The following MPRIP variants were observed in gnomAD, a reference collection of about 807,000 sequenced individuals.
MPRIP encodes myosin phosphatase Rho-interacting protein.
Under a neutral mutation model 234.9 loss-of-function variants are expected in MPRIP, and 59 were observed. The ratio of observed to expected loss-of-function variants is 0.25; its 90% CI spans 0.20 to 0.31. The LOEUF (loss-of-function observed/expected upper bound fraction) is 0.31. Ranked by LOEUF, MPRIP falls within the 10% of genes least tolerant of loss-of-function variation. The pLI, the probability that MPRIP is intolerant of heterozygous loss-of-function variation, is 1.00. For missense variants in MPRIP, 2,436 were observed against 3,071.0 expected (o/e 0.79, Z 4.89); for synonymous variants, 1,144 against 1,263.9 (o/e 0.91, Z 2.01).
chr17:17,159,135 C>G (rs1597480718), intron 14 of MPRIP, 133 bp downstream of exon 14: 1 of 897,578 alleles, frequency 1.1e-6, no homozygotes, highest in East Asian at 2.7e-5. Context: ...CTAGGGGAGA[C>G]AGACGCATAG....
Position 17,078,203 on chromosome 17 carries a change from G to A in MPRIP, c.267+127G>A. The A allele has an allele frequency of 2.0e-6, 2 of 1,008,536 alleles. No homozygotes were observed. Among genetic ancestry groups the A allele is most frequent in the Non-Finnish European group, 3.0e-6 (2 of 666,958 alleles). 62.5% of individuals were successfully genotyped at this position (1,008,536 alleles called of 1,614,324 possible). A position where few individuals can be genotyped will look rare whatever the true frequency, so the allele number is the denominator to read the frequency against. On this transcript the variant is annotated intron_variant, in intron 3 of 23. Transcript: ENST00000651222. This position sits in a 1 kb window ranked among gnomAD's most constrained non-coding sequence, Gnocchi z 4.3. ...CTGCTTGTGTCTGTTTGGGAGTGTG[G>A]AATGTTTTGAAGAACTTGTGGCACC... is the stretch of plus-strand genomic sequence containing the variant.
rs772633112 is a variant in MPRIP at position 17,184,843 on chromosome 17, G to A, written c.7227G>A (p.Thr2409=). 1.4e-5 allele frequency: 22 copies of A among 1,612,822 alleles called. No homozygotes were observed. The highest frequency in any genetic ancestry group is 3.3e-5 in the Admixed American group (2 of 59,960). ...CCCAGAGTCTGAAGGAAGGCCTGAC[G>A]GTGCAAGAACGGTTGAAGCTCTTTG... ...IRSKSLKEGL[T]VQERLKLFES... The change falls in exon 24 of 24, where the codon ACG becomes ACA. Residue 2409 remains threonine, a synonymous_variant. Coordinates refer to ENST00000651222, the MANE Select transcript of MPRIP (RefSeq NM_001364716.4).
rs751281988 is a variant in MPRIP, at chr17:17,164,456, C to T, written c.2865C>T (p.Ser955=). The part of the protein sequence containing the change: ...EAALSSQLRA[S]EQKLKSAEAL... ...CGCTGAGCAGCCAGCTGAGGGCTAG[C>T]GAGCAGAAGCTCAAGAGTGCTGAGG... Residue 955 remains serine, a synonymous_variant, in exon 16 of 24, where the codon AGC becomes AGT. Coordinates refer to ENST00000651222, the MANE Select transcript of MPRIP (RefSeq NM_001364716.4). 54 of 1,240,386 alleles carry T rather than the reference C, an allele frequency of 4.4e-5. No homozygotes were observed. The highest frequency in any genetic ancestry group is 5.5e-5 in the Non-Finnish European group (53 of 963,694). 76.8% of individuals were successfully genotyped at this position (1,240,386 alleles called of 1,614,324 possible). A position where few individuals can be genotyped will look rare whatever the true frequency, so the allele number is the denominator to read the frequency against.
At chr17:17,074,014 C>T (rs939264273) in intron 1 of MPRIP, among the ~76,000 whole-genome samples, 52 of 152,320 alleles carry the variant, frequency 3.4e-4, no homozygotes, top group African/African-American at 1.2e-3. Flanking sequence ...ACCCTGCAGG[C>T]GGAAGCCAAG....
chr17:17,116,319 C>T (rs768202223), intron 3 of MPRIP, among the ~76,000 whole-genome samples: 2 of 152,206 alleles, frequency 1.3e-5, no homozygotes, highest in Non-Finnish European at 2.9e-5. Flanking sequence ...AGGCAGGCCT[C>T]TCCGGCAGGA....
At position 17,165,122 on chromosome 17, in the gene MPRIP, T is replaced by C; in HGVS notation, c.3531T>C (p.His1177=). 7.7e-7 allele frequency: 1 copy of C among 1,304,124 alleles called. No individual in the cohort carries two copies. Among genetic ancestry groups the C allele is most frequent in the Non-Finnish European group, 1.0e-6 (1 of 988,948 alleles). The allele number at this position is 1,304,124 out of a possible 1,614,324, so 80.8% of individuals were successfully genotyped here. Residue 1177 remains histidine (H), a synonymous_variant, in exon 16 of 24, where the codon CAT becomes CAC. Coordinates refer to ENST00000651222, the MANE Select transcript of MPRIP (RefSeq NM_001364716.4). The part of the protein sequence containing the change: ...EEELERIKEA[H]EKVLEKKEQD... ...AGCTGGAGCGCATTAAGGAAGCACA[T>C]GAGAAGGTTCTGGAGAAGAAGGAGC...
intron 1 of MPRIP, among the ~76,000 whole-genome samples, chr17:17,056,308 G>T (rs1337454860): frequency 6.6e-6 from 1 of 152,194 alleles, no homozygotes. Context: ...TTGTCCCCAC[G>T]CATTCTCCAG....
chr17:17,139,526 C>T (rs2090770335), intron 7 of MPRIP, among the ~76,000 whole-genome samples: 1 of 152,204 alleles, frequency 6.6e-6, no homozygotes. Context: ...CTCAGAGTGT[C>T]CTCCCTTCCC....
In MPRIP at chr17:17,164,735, C is replaced by T. The variant is rs1301190843; in HGVS notation, c.3144C>T (p.Ser1048=). ...TAAAGGAAGTGGAAGACAAGGCCAG[C>T]GCCTATGAGGACCAGCTGCAGGGTC... The part of the protein sequence containing the change: ...QNLKEVEDKA[S]AYEDQLQGQA... The change falls in exon 16 of 24, where the codon AGC becomes AGT. Residue 1048 remains serine, a synonymous_variant. Transcript: ENST00000651222. The T allele has an allele frequency of 9.2e-6, 12 of 1,301,072 alleles. No homozygotes were observed. In the Admixed American group the frequency reaches 1.2e-4, roughly 13 times the overall value. 80.6% of individuals were successfully genotyped at this position (1,301,072 alleles called of 1,614,324 possible).
At chr17:17,076,141 A>C in intron 2 of MPRIP, 3 of 189,476 alleles carry the variant, frequency 1.6e-5, no homozygotes, top group South Asian at 1.2e-4. Flanking sequence ...CCCCTGTAGC[A>C]CCTCCCTTCT....
chr17:17,166,272 C>G lies in MPRIP; in HGVS notation c.4681C>G (p.Gln1561Glu), dbSNP rs1248775537. 7.7e-7 allele frequency: 1 copy of G among 1,304,146 alleles called. No individual in the cohort carries two copies. Among genetic ancestry groups the G allele is most frequent in the African/African-American group, 1.5e-5 (1 of 65,880 alleles). The allele number at this position is 1,304,146 out of a possible 1,614,324, so 80.8% of individuals were successfully genotyped here. A position where few individuals can be genotyped will look rare whatever the true frequency, so the allele number is the denominator to read the frequency against. Residue 1561 changes from glutamine (Q) to glutamate (E), a missense_variant, in exon 16 of 24, where the codon CAG (glutamine) becomes GAG (glutamate). Coordinates refer to ENST00000651222, the MANE Select transcript of MPRIP (RefSeq NM_001364716.4). The surrounding 1 kb of genome is among the most constrained non-coding windows in gnomAD (Gnocchi z 4.4). ...CSQSELTEQE[Q>E]VRLLSDQIAL... ...CCAGTCTGAGTTGACAGAGCAGGAG[C>G]AGGTGAGGCTTCTTTCTGACCAGAT...
At chr17:17,125,938 C>G (rs776146008) in intron 3 of MPRIP, among the ~76,000 whole-genome samples, 3 of 152,198 alleles carry the variant, frequency 2.0e-5, no homozygotes, top group Non-Finnish European at 4.4e-5. Flanking sequence ...AACCCATCTG[C>G]TCTCCCAAAG....
At position 17,130,546 on chromosome 17, in the gene MPRIP, G is replaced by C. The variant is rs77600004; in HGVS notation, c.420-1071G>C. Reference sequence around the variant, plus strand: ...CAGTGTGCTGCTGGGTGCTGCACCCGTGTGATCTCTAGCAGGATACAGCAG... The same window carrying C: ...CAGTGTGCTGCTGGGTGCTGCACCCCTGTGATCTCTAGCAGGATACAGCAG... On this transcript the variant is annotated intron_variant, in intron 4 of 23. Transcript: ENST00000651222. 3.3e-5 allele frequency among the ~76,000 whole-genome samples: 5 copies of C among 151,904 alleles called. No individual in the cohort carries two copies. The South Asian group carries it at 1.0e-3, about 32-fold the overall frequency.
rs1287605500 is a variant in MPRIP, at chr17:17,160,541, G to C, written c.2401-699G>C. 3.3e-5 allele frequency among the ~76,000 whole-genome samples: 5 copies of C among 152,238 alleles called. No individual in the cohort carries two copies. The East Asian group carries it at 9.6e-4, about 29-fold the overall frequency. On this transcript the variant is annotated intron_variant, in intron 14 of 23. Transcript: ENST00000651222. ...GCATCAGGAGGCACCTGGGAGGTGTGTAGGGAAGAGGTGGATGGATGAATG... is the reference window on the plus strand; with the variant it reads ...GCATCAGGAGGCACCTGGGAGGTGTCTAGGGAAGAGGTGGATGGATGAATG...
chr17:17,138,237 G>A lies in MPRIP; in HGVS notation c.1058G>A (p.Gly353Glu), dbSNP rs2090745940. Residue 353 changes from glycine (G) to glutamate (E), a missense_variant, in exon 7 of 24, where the codon GGG becomes GAG. This residue lies in a region of MPRIP where 267 missense variants were observed against 252.7 expected (regional missense o/e 1.06). Transcript: ENST00000651222. This position sits in a 1 kb window ranked among gnomAD's most constrained non-coding sequence, Gnocchi z 5.8. ...GACTCTGGCAGCACTAGGGGGCGGG[G>A]GACAGAGAGACTGGGGAGCGCCTTT... The part of the protein sequence containing the change: ...YVDSGSTRGR[G>E]TERLGSAFAF... 1 of 619,822 alleles carries A rather than the reference G, an allele frequency of 1.6e-6. No homozygotes were observed. Among genetic ancestry groups the A allele is most frequent in the Non-Finnish European group, 2.6e-6 (1 of 379,248 alleles). The allele number at this position is 619,822 out of a possible 1,614,324, so 38.4% of individuals were successfully genotyped here.
At position 17,161,337 on chromosome 17, in the gene MPRIP, G is replaced by A. The variant is rs763818544; in HGVS notation, c.2498G>A (p.Arg833His). The change falls in exon 15 of 24, where the codon CGT becomes CAT. Residue 833 changes from arginine to histidine, a missense_variant. Transcript: ENST00000651222. ...GCCCTGGGCCGGGAGCAGAGCGCCC[G>A]TGAGGGCTACGTGCTGCAGGTAGGG... ...RVALGREQSA[R>H]EGYVLQTEVA... 9 of 1,585,562 alleles carry A rather than the reference G, an allele frequency of 5.7e-6. No homozygotes were observed. Among genetic ancestry groups the A allele is most frequent in the Admixed American group, 3.6e-5 (2 of 55,872 alleles).
At chr17:17,177,021 G>A (rs966390503) in intron 21 of MPRIP, among the ~76,000 whole-genome samples, 7 of 152,294 alleles carry the variant, frequency 4.6e-5, no homozygotes, top group South Asian at 2.1e-4. Context: ...TGCACTCACC[G>A]GGCCTGGAGA....
chr17:17,161,488 G>A, intron 15 of MPRIP, 132 bp downstream of exon 15: 2 of 536,044 alleles, frequency 3.7e-6, no homozygotes, highest in Non-Finnish European at 3.3e-6. Flanking sequence ...ATGCCCCTGG[G>A]CTTTTCTGCC....
intron 3 of MPRIP, among the ~76,000 whole-genome samples, chr17:17,118,151 G>A (rs1162740729): frequency 6.6e-6 from 1 of 152,204 alleles, no homozygotes; most frequent in Non-Finnish European, 1.5e-5. Flanking sequence ...TAAGGTCCTG[G>A]GAGTCTCACG....
Sources: allele counts gnomAD v4.1 joint callset (sites outside exome capture counted in the v4.1 genomes callset), GRCh38; gene constraint gnomAD v4.1.1; regional missense constraint gnomAD v4.1.1; non-coding constraint Gnocchi (gnomAD v3.1); transcripts MANE v1.5; gene names NCBI Gene and HGNC (gene_info 2026-07-23, HGNC 2026-07-21).